The following ZNF765 variants were observed in gnomAD, a reference collection of about 807,000 sequenced individuals.
ZNF765 encodes zinc finger protein 765.
Under a neutral mutation model 44.7 loss-of-function variants are expected in ZNF765, and 37 were observed. The ratio of observed to expected loss-of-function variants is 0.83; its 90% confidence interval spans 0.64 to 1.09. The LOEUF is 1.09. ZNF765 is among the 50% of genes least tolerant of loss of function. ZNF765 has a pLI of 0.00. For missense variants in ZNF765, 594 were observed against 626.1 expected, an observed-to-expected ratio of 0.95 and a Z score of 0.55; for synonymous variants, 201 against 213.7, an observed-to-expected ratio of 0.94 and a Z score of 0.52.
chr19:53,418,910 GAAAAA>G (rs34443506), intron 3 of ZNF765, among the ~76,000 whole-genome samples: 6 of 96,856 alleles, frequency 6.2e-5, no homozygotes, highest in Non-Finnish European at 4.0e-5. Flanking sequence ...GTTGTGGGAG[GAAAAA>G]AAAAAAAAAA....
downstream of ZNF765, among the ~76,000 whole-genome samples, chr19:53,416,097 G>A (rs1395236710): frequency 1.3e-5 from 2 of 152,146 alleles, no homozygotes; most frequent in Non-Finnish European, 2.9e-5. Flanking sequence ...TGGGATTACA[G>A]GCGTGCACCA....
chr19:53,403,181 T>A (rs2085745023), intron 3 of ZNF765, among the ~76,000 whole-genome samples: 1 of 150,808 alleles, frequency 6.6e-6, no homozygotes, highest in South Asian at 2.1e-4. Flanking sequence ...GAAAAAAAAA[T>A]TTCATATGTG....
Position 53,408,920 on chromosome 19 carries a change from A to G in ZNF765, c.1365A>G (p.Ile455Met), listed in dbSNP as rs867834641. 3.1e-6 allele frequency: 5 copies of G among 1,612,874 alleles called. No individual in the cohort carries two copies. In the Middle Eastern group the frequency reaches 8.3e-4, roughly 267 times the overall value. ...ACAGTTTCAAATCAAACCTTGAAAT[A>G]CATCAGAAAATTCATACTGAAGAGA... ...KAYSFKSNLE[I>M]HQKIHTEENP... Residue 455 changes from isoleucine (I) to methionine (M), a missense_variant, in exon 4 of 4, where the codon ATA becomes ATG. Coordinates refer to ENST00000396408, the MANE Select transcript of ZNF765 (RefSeq NM_001040185.3).
At chr19:53,413,940 A>AAAAAAG (rs1237548637), downstream of ZNF765, among the ~76,000 whole-genome samples, 1 of 149,654 alleles carries the variant, frequency 6.7e-6, no homozygotes, top group Non-Finnish European at 1.5e-5. Flanking sequence ...CAAAAAAAAA[A>AAAAAAG]AAAAAAAAGC....
intron 3 of ZNF765, among the ~76,000 whole-genome samples, chr19:53,418,633 A>G (rs2085888913): frequency 6.6e-6 from 1 of 152,140 alleles, no homozygotes; most frequent in South Asian, 2.1e-4. Context: ...ATCGGGGCTC[A>G]TGCCCGTAAT....
At chr19:53,405,943 ATATATAT>A (rs2085770816) in intron 3 of ZNF765, among the ~76,000 whole-genome samples, 1 of 103,898 alleles carries the variant, frequency 9.6e-6, no homozygotes, top group Non-Finnish European at 1.9e-5. Flanking sequence ...ATATATATAT[ATATATAT>A]AAAATTGCTG....
At position 53,408,532 on chromosome 19, in the gene ZNF765, C is replaced by T. The variant is rs371429761; in HGVS notation, c.977C>T (p.Pro326Leu). ...IHRRIHTGEK[P>L]YKCNECGKTF... The stretch of plus-strand genomic sequence containing the variant: ...AGGAGAATTCATACTGGAGAGAAAC[C>T]GTACAAGTGTAATGAGTGTGGCAAG... The change falls in exon 4 of 4, where the codon CCG becomes CTG. Residue 326 changes from proline to leucine, a missense_variant. Coordinates refer to ENST00000396408, the MANE Select transcript of ZNF765 (RefSeq NM_001040185.3). 76 of 1,611,972 alleles carry T rather than the reference C, an allele frequency of 4.7e-5. No homozygotes were observed. The highest frequency in any genetic ancestry group is 6.0e-5 in the Non-Finnish European group (71 of 1,179,048).
Position 53,409,606 on chromosome 19 carries a change from A to G in ZNF765, c.*479A>G. The G allele has an allele frequency of 6.8e-7, 1 of 1,467,016 alleles. No homozygotes were observed. The highest frequency in any genetic ancestry group is 1.1e-5 in the South Asian group (1 of 88,144). 90.9% of individuals were successfully genotyped at this position (1,467,016 alleles called of 1,614,324 possible). ...AGACAAAGGAGAATTCATACTGGAG[A>G]GAAACCATACAAGTGTAATGAGTGT... On this transcript the variant is annotated 3_prime_UTR_variant, in exon 4 of 4. Coordinates refer to ENST00000396408, the MANE Select transcript of ZNF765 (RefSeq NM_001040185.3).
At chr19:53,405,405 A>C (rs1395076017) in intron 3 of ZNF765, among the ~76,000 whole-genome samples, 1 of 152,122 alleles carries the variant, frequency 6.6e-6, no homozygotes. Flanking sequence ...TATGTGACTC[A>C]GTCTCAAACA....
intron 3 of ZNF765, among the ~76,000 whole-genome samples, chr19:53,406,148 C>T (rs1164916199): frequency 1.3e-5 from 2 of 150,416 alleles, no homozygotes; most frequent in Non-Finnish European, 3.0e-5. Context: ...CCTGCCTCAG[C>T]CTTCCAAGTA....
In ZNF765 at chr19:53,402,248, C is replaced by CT. The variant is rs72582439; in HGVS notation, c.142+83dup. On this transcript the variant is annotated intron_variant, in intron 3 of 3. Coordinates refer to ENST00000396408, the MANE Select transcript of ZNF765 (RefSeq NM_001040185.3). The stretch of plus-strand genomic sequence containing the variant: ...CTTGCGTATCTTTGTATTTTCTCTC[C>CT]TTTTTTTTTTTTTTTTTTTTTTTTT... 8,511 of 1,255,076 alleles carry CT rather than the reference C, an allele frequency of 6.8e-3. 71 individuals are homozygous for CT. The highest frequency in any genetic ancestry group is 0.026 in the African/African-American group (1,122 of 43,214). The allele number at this position is 1,255,076 out of a possible 1,614,324, so 77.7% of individuals were successfully genotyped here. A position where few individuals can be genotyped will look rare whatever the true frequency, so the allele number is the denominator to read the frequency against.
chr19:53,420,446 A>T (rs185198148), intron 3 of ZNF765, among the ~76,000 whole-genome samples: 2 of 152,306 alleles, frequency 1.3e-5, no homozygotes, highest in East Asian at 3.9e-4. Context: ...GTTCTATATT[A>T]ACACCTTTTA....
chr19:53,417,899 C>A (rs1463300702), intron 3 of ZNF765, among the ~76,000 whole-genome samples: 1 of 152,144 alleles, frequency 6.6e-6, no homozygotes, highest in African/African-American at 2.4e-5. Context: ...GGCAGAGAAT[C>A]CACTGAGACA....
At position 53,407,882 on chromosome 19, in the gene ZNF765, T is replaced by C. The variant is rs750825097; in HGVS notation, c.327T>C (p.His109=). The C allele has an allele frequency of 1.9e-6, 3 of 1,613,836 alleles. No individual in the cohort carries two copies. In the Admixed American group the frequency reaches 5.0e-5, roughly 27 times the overall value. Residue 109 remains histidine, a synonymous_variant, in exon 4 of 4, where the codon CAT becomes CAC. Transcript: ENST00000396408. ...GGCAAGAAGATGAAAGAAATGGCCA[T>C]GAAGCACTCATGACAAAAATCAAAA... The part of the protein sequence containing the change: ...FQWQEDERNG[H]EALMTKIKKL...
At chr19:53,397,108 A>G (rs1306822371) in intron 1 of ZNF765, among the ~76,000 whole-genome samples, 1 of 152,260 alleles carries the variant, frequency 6.6e-6, no homozygotes. Flanking sequence ...ACTTTGTCTA[A>G]GTCTGGACTG....
downstream of ZNF765, among the ~76,000 whole-genome samples, chr19:53,414,472 CACACACACACACACA>C (rs1568785994): frequency 7.6e-4 from 14 of 18,308 alleles, no homozygotes; most frequent in African/African-American, 3.4e-3. Context: ...CACACACACA[CACACACACACACACA>C]CACCCCCCCC....
Position 53,409,750 on chromosome 19 carries a change from C to T in ZNF765, c.*623C>T, listed in dbSNP as rs758521371. On this transcript the variant is annotated 3_prime_UTR_variant, in exon 4 of 4. Transcript: ENST00000396408. Reference sequence around the variant, plus strand: ...TTAGTCAGAACTCATACCTTACATGCCATCATAGACTTCATACTGGAGAGA... The same window carrying T: ...TTAGTCAGAACTCATACCTTACATGTCATCATAGACTTCATACTGGAGAGA... 6.9e-6 allele frequency: 6 copies of T among 867,428 alleles called. No homozygotes were observed. Among genetic ancestry groups the T allele is most frequent in the South Asian group, 1.3e-5 (1 of 76,198 alleles). The allele number at this position is 867,428 out of a possible 1,614,324, so 53.7% of individuals were successfully genotyped here. A position where few individuals can be genotyped will look rare whatever the true frequency, so the allele number is the denominator to read the frequency against.
In ZNF765 at chr19:53,406,623, C is replaced by T. The variant is rs192449327; in HGVS notation, c.143-1075C>T. Reference sequence around the variant, plus strand: ...ACTGACACAGTCCACTAGTTAATGTCACACAGTGCCACCGGATGCTGTGGC... The same window carrying T: ...ACTGACACAGTCCACTAGTTAATGTTACACAGTGCCACCGGATGCTGTGGC... On this transcript the variant is annotated intron_variant, in intron 3 of 3. Transcript: ENST00000396408. Among the ~76,000 whole-genome samples the T allele has an allele frequency of 3.3e-5, 5 of 152,252 alleles. No individual in the cohort carries two copies. In the East Asian group the frequency reaches 9.7e-4, roughly 29 times the overall value.
At chr19:53,414,030 T>C (rs932885494), downstream of ZNF765, among the ~76,000 whole-genome samples, 3 of 149,808 alleles carry the variant, frequency 2.0e-5, no homozygotes, top group Non-Finnish European at 3.0e-5. Context: ...CACCTGAGGT[T>C]GGGACTTTGA....
Sources: gnomAD v4.1 joint callset for allele counts (sites outside exome capture counted in the v4.1 genomes callset) on GRCh38, gnomAD v4.1.1 for gene constraint, MANE v1.5 for transcripts, NCBI Gene and HGNC (gene_info 2026-07-23, HGNC 2026-07-21) for gene names.